The following NFIB variants were observed in gnomAD, a reference collection of about 807,000 sequenced individuals.
The protein encoded by NFIB is nuclear factor 1 B-type.
NFIB carries 11 observed loss-of-function variants against 61.5 expected under a neutral mutation model. The ratio of observed to expected loss-of-function variants is 0.18; its 90% CI spans 0.11 to 0.30. The LOEUF is 0.30. Among genes scored for constraint, NFIB ranks in the 10% least tolerant of loss-of-function variants. The probability of loss-of-function intolerance (pLI) is 1.00; values close to 1 mark genes in which losing one functional copy is unlikely to be tolerated. For missense variants in NFIB, 471 were observed against 608.9 expected (o/e 0.77, Z 2.38); for synonymous variants, 260 against 216.5 (o/e 1.20, Z -1.76).
intron 10 of NFIB, among the ~76,000 whole-genome samples, chr9:14,092,012 A>T (rs146107474): frequency 6.6e-6 from 1 of 152,098 alleles, no homozygotes; most frequent in Non-Finnish European, 1.5e-5. Flanking sequence ...GCTCCCCCCA[A>T]AAGGGAAGAA....
At chr9:14,482,231 A>G in the NFIB span, among the ~76,000 whole-genome samples, 4 of 152,182 alleles carry the variant, frequency 2.6e-5, no homozygotes, top group Non-Finnish European at 5.9e-5. Context: ...TATCAAAAGT[A>G]GCTCCTCCAT....
chr9:14,441,291 G>T, the NFIB span, among the ~76,000 whole-genome samples: 1 of 152,132 alleles, frequency 6.6e-6, no homozygotes, highest in African/African-American at 2.4e-5. Context: ...ATTGCCAAAA[G>T]TAATTGAAGT....
At chr9:14,156,392 C>A (rs2043412438) in intron 3 of NFIB, among the ~76,000 whole-genome samples, 1 of 152,202 alleles carries the variant, frequency 6.6e-6, no homozygotes, top group South Asian at 2.1e-4. Context: ...GTTCCAGGGT[C>A]ACTAATAACA....
chr9:14,462,920 T>C, the NFIB span, among the ~76,000 whole-genome samples: 1 of 152,238 alleles, frequency 6.6e-6, no homozygotes, highest in Non-Finnish European at 1.5e-5. Context: ...CAATGTCACA[T>C]TCATTTGTTT....
intron 2 of NFIB, among the ~76,000 whole-genome samples, chr9:14,259,560 C>T (rs115666447): frequency 2.0e-3 from 303 of 152,284 alleles, no homozygotes; most frequent in African/African-American, 7.1e-3. Context: ...GGAAAGACAG[C>T]TCCAGGGGTA....
At chr9:14,368,750 T>G (rs2061328497) in intron 1 of NFIB, among the ~76,000 whole-genome samples, 1 of 152,200 alleles carries the variant, frequency 6.6e-6, no homozygotes, top group African/African-American at 2.4e-5. Context: ...CCCTCATATT[T>G]TGGTGCTTTC....
intron 1 of NFIB, among the ~76,000 whole-genome samples, chr9:14,367,068 G>A (rs1028261598): frequency 6.6e-6 from 1 of 152,144 alleles, no homozygotes; most frequent in Non-Finnish European, 1.5e-5. Flanking sequence ...CTAACCCTGA[G>A]TTGATGACCA....
intron 1 of NFIB, among the ~76,000 whole-genome samples, chr9:14,381,461 G>T (rs1010784695): frequency 6.6e-6 from 1 of 152,166 alleles, no homozygotes; most frequent in Non-Finnish European, 1.5e-5. Context: ...AAAGTGCTAG[G>T]ATTACAGGTG....
the NFIB span, among the ~76,000 whole-genome samples, chr9:14,443,464 A>G: frequency 6.6e-6 from 1 of 152,066 alleles, no homozygotes; most frequent in Non-Finnish European, 1.5e-5. Context: ...TTCTTCTTCC[A>G]CATCACCTAT....
intron 2 of NFIB, among the ~76,000 whole-genome samples, chr9:14,255,647 C>T (rs1391760931): frequency 6.6e-6 from 1 of 152,082 alleles, no homozygotes; most frequent in Non-Finnish European, 1.5e-5. Flanking sequence ...TCCTAACATC[C>T]TTAAAAAAAG....
intron 3 of NFIB, among the ~76,000 whole-genome samples, chr9:14,158,209 C>T (rs2043685816): frequency 6.6e-6 from 1 of 152,000 alleles, no homozygotes; most frequent in Non-Finnish European, 1.5e-5. Context: ...GATTATTTTT[C>T]ATCACCCAAT....
chr9:14,269,534 G>A (rs896528955), intron 2 of NFIB, among the ~76,000 whole-genome samples: 1 of 152,154 alleles, frequency 6.6e-6, no homozygotes, highest in Non-Finnish European at 1.5e-5. Flanking sequence ...GCTATTGAGC[G>A]ATAAAGCATG....
Position 14,228,715 on chromosome 9 carries a change from G to T in NFIB, c.563-48935C>A. 2.0e-5 allele frequency among the ~76,000 whole-genome samples: 3 copies of T among 152,220 alleles called. 1 individual carries two copies. In the Middle Eastern group the frequency reaches 0.01, roughly 518 times the overall value. ...CTTTCTAGCCAGGCTTTACCACTAC[G>T]TAAGAAAGGATCTGACTGTTTGGCT... On this transcript the variant is annotated intron_variant, in intron 2 of 10. Coordinates refer to ENST00000380953, the MANE Select transcript of NFIB (RefSeq NM_001190737.2).
chr9:14,214,112 C>A (rs936352916), intron 2 of NFIB, among the ~76,000 whole-genome samples: 5 of 152,266 alleles, frequency 3.3e-5, no homozygotes, highest in African/African-American at 7.2e-5. Context: ...CACATCCTAG[C>A]CCCCCATTAA....
At chr9:14,413,681 A>C in the NFIB span, among the ~76,000 whole-genome samples, 160 of 152,326 alleles carry the variant, frequency 1.1e-3, 1 homozygote, top group African/African-American at 3.6e-3. Context: ...TGTAGAAAAA[A>C]AGTAAATCAT....
intron 1 of NFIB, among the ~76,000 whole-genome samples, chr9:14,370,611 GAAAT>G (rs570079890): frequency 6.5e-4 from 99 of 152,306 alleles, no homozygotes; most frequent in African/African-American, 2.4e-3. Context: ...ACAAAGGTAA[GAAAT>G]AACCATGTAA....
chr9:14,204,104 T>C (rs2049357439), intron 2 of NFIB: 2 of 388,438 alleles, frequency 5.1e-6, no homozygotes, highest in Non-Finnish European at 4.5e-6. Context: ...AATTAATTTG[T>C]TTTCTTCTCA....
chr9:14,143,204 ATAAT>A (rs2041943283), intron 6 of NFIB, among the ~76,000 whole-genome samples: 1 of 152,142 alleles, frequency 6.6e-6, no homozygotes, highest in Non-Finnish European at 1.5e-5. Context: ...ACATAAGGAC[ATAAT>A]TAATTTATTA....
At chr9:14,173,693 A>C (rs942846132) in intron 3 of NFIB, among the ~76,000 whole-genome samples, 4 of 152,158 alleles carry the variant, frequency 2.6e-5, no homozygotes, top group Non-Finnish European at 5.9e-5. Flanking sequence ...CTCTGCTTCT[A>C]ATGTTGAGCT....
Sources: gnomAD v4.1 joint callset for allele counts (sites outside exome capture counted in the v4.1 genomes callset) on GRCh38, gnomAD v4.1.1 for gene constraint, MANE v1.5 for transcripts, NCBI Gene and HGNC (gene_info 2026-07-23, HGNC 2026-07-21) for gene names.